Variants in AGBL4 observed in about 807,000 individuals in gnomAD.
The protein encoded by AGBL4 is cytosolic carboxypeptidase 6.
AGBL4 carries 58 observed loss-of-function variants against 66.4 expected under a neutral mutation model. The observed-to-expected ratio is 0.87, with a 90% CI of 0.71 to 1.09. The LOEUF (loss-of-function observed/expected upper bound fraction) is 1.09. Among genes scored for constraint, AGBL4 ranks in the 50% least tolerant of loss-of-function variants. The probability of loss-of-function intolerance (pLI) is 0.00; values close to 1 mark genes in which losing one functional copy is unlikely to be tolerated. For synonymous variants in AGBL4, 234 were observed against 222.9 expected (o/e 1.05, Z -0.44); for missense variants, 579 against 631.0 (o/e 0.92, Z 0.88).
At chr1:48,883,634 G>C (rs939870509) in intron 5 of AGBL4, among the ~76,000 whole-genome samples, 41 of 152,106 alleles carry the variant, frequency 2.7e-4, no homozygotes, top group African/African-American at 9.9e-4. Flanking sequence ...TTCCTCACTG[G>C]ACTGTGAGAT....
intron 3 of AGBL4, among the ~76,000 whole-genome samples, chr1:49,292,087 C>A (rs1273108065): frequency 6.6e-6 from 1 of 152,220 alleles, no homozygotes; most frequent in Non-Finnish European, 1.5e-5. Context: ...GCTGTCAGCA[C>A]CCACTCCGAT....
intron 6 of AGBL4, among the ~76,000 whole-genome samples, chr1:48,670,853 C>T (rs1646265705): frequency 6.6e-6 from 1 of 152,238 alleles, no homozygotes; most frequent in South Asian, 2.1e-4. Flanking sequence ...CTCAGAGGCT[C>T]TGAGATTCCC....
intron 6 of AGBL4, among the ~76,000 whole-genome samples, chr1:48,689,739 A>G (rs1646599012): frequency 6.6e-6 from 1 of 152,136 alleles, no homozygotes; most frequent in Non-Finnish European, 1.5e-5. Context: ...GGCTAGTCAG[A>G]TTTTAAAAAA....
chr1:49,627,232 A>G (rs1195880555), intron 3 of AGBL4, among the ~76,000 whole-genome samples: 1 of 152,148 alleles, frequency 6.6e-6, no homozygotes, highest in Non-Finnish European at 1.5e-5. Flanking sequence ...TGTCATCAGC[A>G]GGTGTGGTAT....
At chr1:49,329,067 G>A (rs1338281579) in intron 3 of AGBL4, among the ~76,000 whole-genome samples, 1 of 152,190 alleles carries the variant, frequency 6.6e-6, no homozygotes, top group African/African-American at 2.4e-5. Flanking sequence ...AGCGCTTTGG[G>A]AGGCTGAGGT....
At position 49,020,243 on chromosome 1, in the gene AGBL4, T is replaced by C. The variant is rs190408328; in HGVS notation, c.594+25341A>G. On this transcript the variant is annotated intron_variant, in intron 5 of 13. Transcript: ENST00000371839. ...ACAAAACTAATAGCATTAATAACAA[T>C]GCCCTCTCACTTGGGCACAGCACTT... is the stretch of plus-strand genomic sequence containing the variant. Among the ~76,000 whole-genome samples the C allele has an allele frequency of 2.8e-3, 419 of 152,278 alleles. 1 individual carries two copies. The highest frequency in any genetic ancestry group is 4.6e-3 in the Admixed American group (70 of 15,294).
intron 3 of AGBL4, among the ~76,000 whole-genome samples, chr1:49,447,317 C>T (rs1557949030): frequency 6.6e-6 from 1 of 152,126 alleles, no homozygotes; most frequent in South Asian, 2.1e-4. Flanking sequence ...TTTTGTTATA[C>T]TTTATGATCC....
intron 6 of AGBL4, among the ~76,000 whole-genome samples, chr1:48,783,022 T>G (rs909948524): frequency 2.0e-5 from 3 of 152,244 alleles, no homozygotes; most frequent in Admixed American, 1.3e-4. Context: ...TCATACACTA[T>G]GTAGCCTTCT....
chr1:49,290,572 A>T (rs754920413), intron 3 of AGBL4, among the ~76,000 whole-genome samples: 8 of 152,206 alleles, frequency 5.3e-5, no homozygotes, highest in Non-Finnish European at 1.0e-4. Flanking sequence ...TTGGAAAAAA[A>T]ATATATCAAA....
intron 6 of AGBL4, among the ~76,000 whole-genome samples, chr1:48,713,783 G>C (rs1557897635): frequency 2.0e-5 from 3 of 152,152 alleles, no homozygotes; most frequent in Non-Finnish European, 4.4e-5. Flanking sequence ...GGGCCTGCCT[G>C]CTATTCCCTC....
intron 5 of AGBL4, among the ~76,000 whole-genome samples, chr1:48,888,587 C>A (rs527739822): frequency 6.6e-6 from 1 of 152,216 alleles, no homozygotes; most frequent in Non-Finnish European, 1.5e-5. Flanking sequence ...TTCCCCTACA[C>A]CTTCTGCCAT....
chr1:49,144,689 T>G (rs1268869712), intron 4 of AGBL4, among the ~76,000 whole-genome samples: 1 of 152,052 alleles, frequency 6.6e-6, no homozygotes, highest in Non-Finnish European at 1.5e-5. Flanking sequence ...GATAATTTGA[T>G]GATAAATGCT....
intron 1 of AGBL4, among the ~76,000 whole-genome samples, chr1:50,020,218 T>C (rs1253119282): frequency 1.3e-5 from 2 of 151,992 alleles, no homozygotes; most frequent in Non-Finnish European, 2.9e-5. Flanking sequence ...GAAAAACCAA[T>C]GAAGAAAAAA....
chr1:48,794,871 A>G (rs1332613841), intron 6 of AGBL4, among the ~76,000 whole-genome samples: 1 of 152,080 alleles, frequency 6.6e-6, no homozygotes, highest in African/African-American at 2.4e-5. Flanking sequence ...AGACATACCA[A>G]CTTTAAGGTC....
chr1:49,754,389 T>C (rs1387481117), intron 2 of AGBL4, among the ~76,000 whole-genome samples: 1 of 152,128 alleles, frequency 6.6e-6, no homozygotes, highest in Admixed American at 6.5e-5. Flanking sequence ...GGTGTTCTTT[T>C]TGTTAATGTT....
intron 3 of AGBL4, among the ~76,000 whole-genome samples, chr1:49,372,622 T>C (rs899683855): frequency 2.3e-5 from 2 of 87,736 alleles, no homozygotes; most frequent in Non-Finnish European, 2.3e-5. Context: ...TTTCTTTCTT[T>C]CTTTCTTTCT....
chr1:48,581,185 T>C (rs1246074893), intron 11 of AGBL4, among the ~76,000 whole-genome samples: 1 of 152,168 alleles, frequency 6.6e-6, no homozygotes, highest in Admixed American at 6.5e-5. Flanking sequence ...TCTAATGTGT[T>C]TGGTTGGATG....
chr1:48,983,460 C>G (rs1288216804), intron 5 of AGBL4, among the ~76,000 whole-genome samples: 1 of 152,228 alleles, frequency 6.6e-6, no homozygotes, highest in African/African-American at 2.4e-5. Flanking sequence ...ATAGGCATCC[C>G]ACAAGGGACA....
intron 3 of AGBL4, among the ~76,000 whole-genome samples, chr1:49,279,425 G>C (rs552573079): frequency 6.6e-6 from 1 of 152,132 alleles, no homozygotes; most frequent in Non-Finnish European, 1.5e-5. Flanking sequence ...GTACTAAAAA[G>C]CAGTGTTTGC....
Sources: allele counts gnomAD v4.1 joint callset (sites outside exome capture counted in the v4.1 genomes callset), GRCh38; gene constraint gnomAD v4.1.1; transcripts MANE v1.5; gene names NCBI Gene and HGNC (gene_info 2026-07-23, HGNC 2026-07-21).